The following PDE4B variants were observed in gnomAD, a reference collection of about 807,000 sequenced individuals.
PDE4B encodes 3',5'-cyclic-AMP phosphodiesterase 4B.
A neutral mutation model predicts 82.2 loss-of-function variants in PDE4B; 20 were observed. That is an observed-to-expected ratio of 0.24 (90% CI 0.17 to 0.35). The LOEUF is 0.35. PDE4B is among the 10% of genes least tolerant of loss of function. The pLI, the probability that PDE4B is intolerant of heterozygous loss-of-function variation, is 1.00. For synonymous variants in PDE4B, 320 were observed against 318.9 expected (o/e 1.00, Z -0.04); for missense variants, 655 against 907.2 (o/e 0.72, Z 3.57).
At chr1:66,151,770 A>G (rs1045783378) in intron 3 of PDE4B, among the ~76,000 whole-genome samples, 1 of 152,156 alleles carries the variant, frequency 6.6e-6, no homozygotes, top group Non-Finnish European at 1.5e-5. Context: ...TATTTGATTC[A>G]TCTCTTTATT....
At chr1:66,153,461 A>AG (rs1449683748) in intron 3 of PDE4B, among the ~76,000 whole-genome samples, 2 of 152,028 alleles carry the variant, frequency 1.3e-5, no homozygotes, top group African/African-American at 2.4e-5. Context: ...TTGTAACCTG[A>AG]GGGGGGTCAA....
chr1:66,361,561 A>G (rs966391298), intron 9 of PDE4B, 54 bp from the exon 10 acceptor site: 3 of 1,383,568 alleles, frequency 2.2e-6, no homozygotes, highest in Non-Finnish European at 3.0e-6. Flanking sequence ...TGAATATTGC[A>G]GTGGATTCTC....
Position 66,332,529 on chromosome 1 carries a change from C to T in PDE4B, c.656C>T (p.Ala219Val), listed in dbSNP as rs1445681639. 6.2e-7 allele frequency: 1 copy of T among 1,614,106 alleles called. No individual in the cohort carries two copies. Among genetic ancestry groups the T allele is most frequent in the East Asian group, 2.2e-5 (1 of 44,886 alleles). The change falls in exon 8 of 17, where the codon GCA becomes GTA. Residue 219 changes from alanine to valine, a missense_variant. Around this residue, in one of 3 missense-constraint regions of PDE4B, gnomAD observed 253 missense variants for 275.6 expected, o/e 0.92. Coordinates refer to ENST00000341517, the MANE Select transcript of PDE4B (RefSeq NM_002600.4). ...GCAGAAGAATCTTATCAAAAATTAG[C>T]AATGGAAACGCTGGAGGAATTAGAC... ...NPQEESYQKL[A>V]METLEELDWC...
At chr1:66,182,669 A>AT (rs1164267680) in intron 3 of PDE4B, among the ~76,000 whole-genome samples, 2 of 152,144 alleles carry the variant, frequency 1.3e-5, no homozygotes, top group Non-Finnish European at 2.9e-5. Context: ...GAGTTGGTGC[A>AT]TAGCAGCTGT....
chr1:65,799,959 T>G (rs913031554), intron 1 of PDE4B, among the ~76,000 whole-genome samples: 1 of 152,214 alleles, frequency 6.6e-6, no homozygotes, highest in Non-Finnish European at 1.5e-5. Context: ...CAGTGTCCTT[T>G]TGAGATCATT....
intron 12 of PDE4B, 128 bp from the exon 13 acceptor site, chr1:66,365,539 A>G: frequency 1.8e-6 from 1 of 565,674 alleles, no homozygotes; most frequent in Non-Finnish European, 3.2e-6. Flanking sequence ...AAATTAGTAT[A>G]TTGAGATATT....
At chr1:66,059,965 A>G (rs1185064006) in intron 3 of PDE4B, among the ~76,000 whole-genome samples, 1 of 152,220 alleles carries the variant, frequency 6.6e-6, no homozygotes, top group Non-Finnish European at 1.5e-5. Context: ...TTAGAATTCC[A>G]AGTCCATACA....
intron 3 of PDE4B, among the ~76,000 whole-genome samples, chr1:66,184,553 T>C (rs978931618): frequency 2.6e-5 from 4 of 152,184 alleles, no homozygotes; most frequent in Non-Finnish European, 4.4e-5. Flanking sequence ...ATTAACTTAG[T>C]AATTTCTCTA....
At chr1:65,982,607 A>C (rs1233314023) in intron 3 of PDE4B, among the ~76,000 whole-genome samples, 1 of 152,074 alleles carries the variant, frequency 6.6e-6, no homozygotes, top group Non-Finnish European at 1.5e-5. Context: ...TCTGTGAAAG[A>C]CCCTCTTGTC....
intron 3 of PDE4B, among the ~76,000 whole-genome samples, chr1:65,987,297 A>G (rs924626493): frequency 3.3e-5 from 5 of 152,160 alleles, no homozygotes; most frequent in African/African-American, 1.2e-4. Flanking sequence ...CTGAAGCACC[A>G]TTTTCCTAAA....
chr1:65,858,199 G>A (rs1367302525), intron 1 of PDE4B, among the ~76,000 whole-genome samples: 1 of 152,130 alleles, frequency 6.6e-6, no homozygotes, highest in Admixed American at 6.6e-5. Flanking sequence ...TAGTCCCTAG[G>A]AACCACTTTG....
At chr1:65,972,210 T>C (rs1409481552) in intron 3 of PDE4B, among the ~76,000 whole-genome samples, 3 of 152,222 alleles carry the variant, frequency 2.0e-5, no homozygotes, top group Non-Finnish European at 4.4e-5. Context: ...TGCATATGCC[T>C]TGTGGTCAGA....
intron 3 of PDE4B, among the ~76,000 whole-genome samples, chr1:66,233,639 T>C (rs572494516): frequency 6.6e-6 from 1 of 152,292 alleles, no homozygotes; most frequent in Non-Finnish European, 1.5e-5. Flanking sequence ...TCTTAAAGGA[T>C]AATGTCAGCT....
chr1:66,057,420 T>C (rs564844163), intron 3 of PDE4B, among the ~76,000 whole-genome samples: 3 of 152,328 alleles, frequency 2.0e-5, no homozygotes, highest in East Asian at 3.9e-4. Flanking sequence ...TTAGCACTGT[T>C]CCAACAGTAT....
chr1:65,938,486 G>A (rs552908166), intron 3 of PDE4B, among the ~76,000 whole-genome samples: 2 of 152,304 alleles, frequency 1.3e-5, no homozygotes, highest in African/African-American at 4.8e-5. Flanking sequence ...TTATTCAAAT[G>A]TGTGGTTATT....
At chr1:66,320,957 G>C (rs1659359797) in intron 7 of PDE4B, among the ~76,000 whole-genome samples, 2 of 152,164 alleles carry the variant, frequency 1.3e-5, no homozygotes, top group Non-Finnish European at 2.9e-5. Flanking sequence ...AGAAATGCTT[G>C]AGCAGAAACA....
intron 3 of PDE4B, among the ~76,000 whole-genome samples, chr1:66,103,141 A>T (rs906877057): frequency 2.6e-5 from 4 of 152,098 alleles, no homozygotes; most frequent in African/African-American, 9.7e-5. Flanking sequence ...TTTATTTAGA[A>T]TTGGCATCTT....
intron 1 of PDE4B, among the ~76,000 whole-genome samples, chr1:65,812,743 T>C (rs1645834417): frequency 6.6e-6 from 1 of 152,214 alleles, no homozygotes; most frequent in Non-Finnish European, 1.5e-5. Flanking sequence ...GCCTCCTATA[T>C]GATATTATGT....
chr1:66,053,556 G>A (rs1366484660), intron 3 of PDE4B, among the ~76,000 whole-genome samples: 1 of 152,112 alleles, frequency 6.6e-6, no homozygotes, highest in Non-Finnish European at 1.5e-5. Flanking sequence ...GTCACACAGT[G>A]GGTGAATGTT....
Sources: gnomAD v4.1 joint callset for allele counts (sites outside exome capture counted in the v4.1 genomes callset) on GRCh38, gnomAD v4.1.1 for gene constraint, gnomAD v4.1.1 regional missense constraint, MANE v1.5 for transcripts, NCBI Gene and HGNC (gene_info 2026-07-23, HGNC 2026-07-21) for gene names.